PLD1: variants seen among roughly 807,000 people sequenced by gnomAD.
PLD1 encodes the protein choline phosphatase 1.
In PLD1, 112 loss-of-function variants were observed where a neutral mutation model predicts 137.1. The observed-to-expected ratio is 0.82, with a 90% confidence interval of 0.70 to 0.96. The LOEUF is 0.96. Ranked by LOEUF, PLD1 falls within the 40% of genes least tolerant of loss-of-function variation. The pLI is 0.00. For synonymous variants in PLD1, 431 were observed against 454.7 expected (o/e 0.95, Z 0.66); for missense variants, 1,321 against 1,342.0 (o/e 0.98, Z 0.24).
At chr3:171,762,584 C>T (rs946863216) in intron 1 of PLD1, among the ~76,000 whole-genome samples, 4 of 152,132 alleles carry the variant, frequency 2.6e-5, no homozygotes, top group Non-Finnish European at 5.9e-5. Context: ...GGGAAGGTTG[C>T]CGCTGATAAA....
intron 25 of PLD1, chr3:171,611,557 C>A (rs1169760615): frequency 3.9e-6 from 2 of 518,164 alleles, no homozygotes; most frequent in Non-Finnish European, 7.7e-6. Flanking sequence ...ATTCTCTCTG[C>A]TTCACCACAG....
At chr3:171,627,425 C>T (rs1734220415) in intron 23 of PLD1, among the ~76,000 whole-genome samples, 2 of 152,054 alleles carry the variant, frequency 1.3e-5, no homozygotes, top group South Asian at 2.1e-4. Context: ...ACTTTAACAC[C>T]CCCTGTCAAC....
chr3:171,800,257 G>A (rs1160570218), intron 1 of PLD1, among the ~76,000 whole-genome samples: 3 of 152,114 alleles, frequency 2.0e-5, no homozygotes, highest in Non-Finnish European at 4.4e-5. Context: ...TGCCCAGGCT[G>A]GAGTGAAGTG....
At chr3:171,604,615 A>G (rs971349724) in intron 26 of PLD1, among the ~76,000 whole-genome samples, 11 of 152,090 alleles carry the variant, frequency 7.2e-5, no homozygotes, top group Non-Finnish European at 1.6e-4. Context: ...CTGTTACGCA[A>G]CTCTTAACTC....
At chr3:171,652,766 ATTTTTTTTTTTTTTTT>A (rs1174564536) in intron 21 of PLD1, among the ~76,000 whole-genome samples, 1 of 75,616 alleles carries the variant, frequency 1.3e-5, no homozygotes, top group Non-Finnish European at 2.4e-5. Flanking sequence ...ACACTCAGCT[ATTTTTTTTTTTTTTTT>A]TTTTTTTTTT....
intron 9 of PLD1, among the ~76,000 whole-genome samples, chr3:171,711,726 G>A (rs1717247695): frequency 1.4e-5 from 2 of 147,316 alleles, no homozygotes; most frequent in South Asian, 2.1e-4. Context: ...CAACATGGCT[G>A]ATTAGTTCTC....
At chr3:171,725,041 G>A (rs1057137469) in intron 7 of PLD1, among the ~76,000 whole-genome samples, 11 of 152,118 alleles carry the variant, frequency 7.2e-5, no homozygotes, top group South Asian at 4.1e-4. Context: ...CACTACACAG[G>A]ACCTTAAGCA....
At chr3:171,774,161 A>G (rs1383141932) in intron 1 of PLD1, among the ~76,000 whole-genome samples, 1 of 152,200 alleles carries the variant, frequency 6.6e-6, no homozygotes. Flanking sequence ...CGGTGCTCCT[A>G]GCCATGTACT....
chr3:171,760,422 C>T (rs1281400017), intron 1 of PLD1, among the ~76,000 whole-genome samples: 1 of 152,226 alleles, frequency 6.6e-6, no homozygotes, highest in African/African-American at 2.4e-5. Context: ...CCTCCTTCAA[C>T]CACCGTGGTT....
chr3:171,620,500 A>G lies in PLD1; in HGVS notation c.2614T>C (p.Tyr872His). 1.3e-6 allele frequency: 2 copies of G among 1,588,962 alleles called. No homozygotes were observed. The highest frequency in any genetic ancestry group is 1.7e-6 in the Non-Finnish European group (2 of 1,159,524). Residue 872 changes from tyrosine (Y) to histidine (H), a missense_variant, in exon 24 of 27, where the codon TAC becomes CAC. Physicochemically the swap from Tyr to His is moderately conservative, Grantham distance 83. Transcript: ENST00000351298. ...GTTCTAAGACCACAGAATGATATGT[A>G]ATTTATCCACTGATTACCAACTGCA... ...KAELGNQWINYISFCGLRTHA... is the reference protein window; with the variant it reads ...KAELGNQWINHISFCGLRTHA...
At chr3:171,745,282 C>T (rs1180258639) in intron 1 of PLD1, among the ~76,000 whole-genome samples, 1 of 152,178 alleles carries the variant, frequency 6.6e-6, no homozygotes, top group Non-Finnish European at 1.5e-5. Flanking sequence ...CTGAAAGGCA[C>T]GTTACAGGTA....
intron 12 of PLD1, among the ~76,000 whole-genome samples, chr3:171,698,560 A>C (rs1282878447): frequency 3.3e-5 from 5 of 152,236 alleles, no homozygotes; most frequent in African/African-American, 1.2e-4. Flanking sequence ...AGTGGAATGC[A>C]GAGGATAGGA....
chr3:171,674,396 G>A, intron 19 of PLD1, 104 bp downstream of exon 19: 3 of 525,266 alleles, frequency 5.7e-6, no homozygotes, highest in South Asian at 3.3e-5. Flanking sequence ...CTTTAGAAAA[G>A]CAGTCATTGA....
chr3:171,605,504 G>A (rs1377845853), intron 25 of PLD1, 88 bp from the exon 26 acceptor site: 2 of 762,840 alleles, frequency 2.6e-6, no homozygotes, highest in Non-Finnish European at 4.7e-6. Flanking sequence ...CTCTATATAT[G>A]CAAATATATA....
In PLD1 at chr3:171,706,824, G is replaced by A. The variant is rs1167001276; in HGVS notation, c.1145+1931C>T. 2.6e-5 allele frequency among the ~76,000 whole-genome samples: 4 copies of A among 152,154 alleles called. No individual in the cohort carries two copies. In the East Asian group the frequency reaches 7.7e-4, roughly 29 times the overall value. On this transcript the variant is annotated intron_variant, in intron 11 of 26. Coordinates refer to ENST00000351298, the MANE Select transcript of PLD1 (RefSeq NM_002662.5). Reference sequence around the variant, plus strand: ...TAAAATGGTATCCTAGTGCAGTCGTGAAAAATAAGTAACCCCGATTCATTC... The same window carrying A: ...TAAAATGGTATCCTAGTGCAGTCGTAAAAAATAAGTAACCCCGATTCATTC...
chr3:171,624,454 T>TTAGATTTAG (rs1733911699), intron 23 of PLD1, among the ~76,000 whole-genome samples: 4 of 152,066 alleles, frequency 2.6e-5, no homozygotes, highest in South Asian at 4.1e-4. Flanking sequence ...TTTTGAAGGG[T>TTAGATTTAG]CATTTAGCAA....
At chr3:171,646,109 G>A (rs1736191147) in intron 21 of PLD1, among the ~76,000 whole-genome samples, 1 of 151,998 alleles carries the variant, frequency 6.6e-6, no homozygotes, top group South Asian at 2.1e-4. Context: ...GCTCCAAATA[G>A]GTACCATTTA....
chr3:171,695,226 G>GAAA (rs374925743), intron 12 of PLD1, among the ~76,000 whole-genome samples: 1 of 150,200 alleles, frequency 6.7e-6, no homozygotes, highest in African/African-American at 2.4e-5. Flanking sequence ...AAAGCCAAAG[G>GAAA]AAAAAAAAAC....
At chr3:171,797,218 T>G (rs1186321719) in intron 1 of PLD1, among the ~76,000 whole-genome samples, 1 of 152,192 alleles carries the variant, frequency 6.6e-6, no homozygotes, top group East Asian at 1.9e-4. Flanking sequence ...TGCTTAACCT[T>G]TCTGCTTCCA....
Sources: gnomAD v4.1 joint callset for allele counts (sites outside exome capture counted in the v4.1 genomes callset) on GRCh38, gnomAD v4.1.1 for gene constraint, MANE v1.5 for transcripts, NCBI Gene and HGNC (gene_info 2026-07-23, HGNC 2026-07-21) for gene names.